The following ABCG8 variants were observed in gnomAD, a reference collection of about 807,000 sequenced individuals.
ABCG8 encodes ATP binding cassette subfamily G member 8.
In ABCG8, 81 loss-of-function variants were observed where a neutral mutation model predicts 71.3. The observed-to-expected ratio is 1.14, with a 90% CI of 0.95 to 1.37. The LOEUF (loss-of-function observed/expected upper bound fraction) is 1.37, where lower values mean the gene tolerates loss of function less well. ABCG8 is among the 40% of genes most tolerant of loss of function. The pLI, the probability that ABCG8 is intolerant of heterozygous loss-of-function variation, is 0.00. For synonymous variants in ABCG8, 451 were observed against 354.7 expected (o/e 1.27, Z -3.05); for missense variants, 1,119 against 866.2 (o/e 1.29, Z -3.66).
At chr2:43,841,195 G>A (rs1172991854) in intron 1 of ABCG8, among the ~76,000 whole-genome samples, 1 of 152,228 alleles carries the variant, frequency 6.6e-6, no homozygotes, top group Non-Finnish European at 1.5e-5. Context: ...CCGGGGCATA[G>A]GCTCCTCATC....
Position 43,846,255 on chromosome 2 carries a change from A to G in ABCG8, c.266A>G (p.Gln89Arg). 1.2e-6 allele frequency: 2 copies of G among 1,614,214 alleles called. No homozygotes were observed. Among genetic ancestry groups the G allele is most frequent in the Non-Finnish European group, 8.5e-7 (1 of 1,180,036 alleles). ...CAGAATTCTTGTGAGCTGGGCATCC[A>G]GAACCTAAGCTTCAAAGTGAGAAGT... ...SCQNSCELGI[Q>R]NLSFKVRSGQ... The change falls in exon 3 of 13, where the codon CAG becomes CGG. Residue 89 changes from glutamine to arginine, a missense_variant. Physicochemically the swap from Gln to Arg is conservative, Grantham distance 43. Transcript: ENST00000272286.
At chr2:43,842,321 C>G (rs922304715) in intron 1 of ABCG8, among the ~76,000 whole-genome samples, 1 of 152,158 alleles carries the variant, frequency 6.6e-6, no homozygotes, top group Non-Finnish European at 1.5e-5. Flanking sequence ...CTGGCAATGG[C>G]TAAGATTTTT....
At chr2:43,876,349 G>A (rs1188951940) in intron 11 of ABCG8, among the ~76,000 whole-genome samples, 1 of 152,222 alleles carries the variant, frequency 6.6e-6, no homozygotes, top group Non-Finnish European at 1.5e-5. Flanking sequence ...CCATGGCCCT[G>A]TCTCAGAGAG....
rs980660006 is a variant in ABCG8 at position 43,879,077 on chromosome 2, C to G, written c.*1164C>G. On this transcript the variant is annotated 3_prime_UTR_variant, in exon 13 of 13. Coordinates refer to ENST00000272286, the MANE Select transcript of ABCG8 (RefSeq NM_022437.3). ...CTCTTTTCTTTATAAATTACCCAGT[C>G]TTGGGTATTTCTTCATAGCAGTGTG... The G allele has an allele frequency of 6.6e-6, 1 of 152,214 alleles. No individual in the cohort carries two copies. Among genetic ancestry groups the G allele is most frequent in the Non-Finnish European group, 1.5e-5 (1 of 68,074 alleles). 9.4% of individuals were successfully genotyped at this position (152,214 alleles called of 1,614,324 possible). A position where few individuals can be genotyped will look rare whatever the true frequency, so the allele number is the denominator to read the frequency against.
At chr2:43,863,676 A>ATC (rs1373826334) in intron 6 of ABCG8, among the ~76,000 whole-genome samples, 1 of 150,836 alleles carries the variant, frequency 6.6e-6, no homozygotes, top group Non-Finnish European at 1.5e-5. Flanking sequence ...AATTCTCACC[A>ATC]TCTGGATAGA....
chr2:43,859,211 G>T (rs990997226), intron 6 of ABCG8, among the ~76,000 whole-genome samples: 2 of 146,442 alleles, frequency 1.4e-5, no homozygotes, highest in Non-Finnish European at 3.0e-5. Flanking sequence ...CTCTCCCTCT[G>T]GATACAACTC....
intron 1 of ABCG8, among the ~76,000 whole-genome samples, chr2:43,843,143 C>T (rs747108414): frequency 1.3e-5 from 2 of 152,222 alleles, no homozygotes; most frequent in Non-Finnish European, 1.5e-5. Flanking sequence ...TCTGCCTGGT[C>T]TGTCTCGCTC....
Position 43,873,958 on chromosome 2 carries a change from C to A in ABCG8, c.1383C>A (p.Phe461Leu). The change falls in exon 9 of 13, where the codon TTC becomes TTA. Residue 461 changes from phenylalanine (F) to leucine (L), a missense_variant. Phe to Leu is a conservative substitution (Grantham distance 22). Coordinates refer to ENST00000272286, the MANE Select transcript of ABCG8 (RefSeq NM_022437.3). The stretch of plus-strand genomic sequence containing the variant: ...TCATGATCGGTGCTCTCATCCCTTT[C>A]AACGTCATTCTGGATGTCATCTCCA... ...LLFMIGALIP[F>L]NVILDVISKC... The A allele has an allele frequency of 1.2e-6, 2 of 1,614,114 alleles. No individual in the cohort carries two copies. Among genetic ancestry groups the A allele is most frequent in the Non-Finnish European group, 1.7e-6 (2 of 1,180,038 alleles).
intron 6 of ABCG8, among the ~76,000 whole-genome samples, chr2:43,861,386 C>G (rs978562095): frequency 6.0e-5 from 9 of 151,066 alleles, no homozygotes; most frequent in Admixed American, 5.3e-4. Flanking sequence ...GGATAGATCT[C>G]TCACTATCTG....
rs1670091550 is a variant in ABCG8 at position 43,880,173 on chromosome 2, GTTTTGTT to G, written c.*2265_*2271del. ...ACCAAGAGTTTCAGGCTCATTTTTT[GTTTTGTT>G]TTTTTTTTTTTGAGACAGAATCTCA... On this transcript the variant is annotated 3_prime_UTR_variant, in exon 13 of 13. Coordinates refer to ENST00000272286, the MANE Select transcript of ABCG8 (RefSeq NM_022437.3). The G allele has an allele frequency of 1.2e-5, 1 of 86,054 alleles. No homozygotes were observed. The highest frequency in any genetic ancestry group is 1.2e-4 in the Admixed American group (1 of 8,430). 5.3% of individuals were successfully genotyped at this position (86,054 alleles called of 1,614,324 possible).
intron 10 of ABCG8, among the ~76,000 whole-genome samples, chr2:43,874,705 G>A (rs1455590996): frequency 6.6e-6 from 1 of 152,054 alleles, no homozygotes; most frequent in Non-Finnish European, 1.5e-5. Context: ...AGGAATGATA[G>A]TTTTCTGGCC....
chr2:43,865,695 C>T (rs1198698349), intron 6 of ABCG8, among the ~76,000 whole-genome samples: 1 of 138,970 alleles, frequency 7.2e-6, no homozygotes, highest in Non-Finnish European at 1.6e-5. Flanking sequence ...ATAGAACTCT[C>T]AATATCTATG....
At chr2:43,855,075 C>T (rs771593336) in intron 6 of ABCG8, among the ~76,000 whole-genome samples, 18 of 152,166 alleles carry the variant, frequency 1.2e-4, no homozygotes, top group Non-Finnish European at 1.9e-4. Context: ...GCCTGGGAGG[C>T]CAAGTTATTA....
At chr2:43,846,404 C>T in intron 3 of ABCG8, 93 bp downstream of exon 3, 2 of 1,555,436 alleles carry the variant, frequency 1.3e-6, no homozygotes, top group African/African-American at 2.7e-5. Flanking sequence ...GAGCTCTTTG[C>T]TGACTAGTAG....
intron 6 of ABCG8, among the ~76,000 whole-genome samples, chr2:43,855,896 A>G (rs1669088251): frequency 6.6e-6 from 1 of 152,102 alleles, no homozygotes; most frequent in Admixed American, 6.5e-5. Context: ...CTGTCTGGAT[A>G]GAATTCTCAC....
intron 2 of ABCG8, among the ~76,000 whole-genome samples, chr2:43,845,841 C>G: frequency 6.6e-6 from 1 of 152,080 alleles, no homozygotes; most frequent in Non-Finnish European, 1.5e-5. Context: ...AGGCTGGTCT[C>G]AAACTCCTGA....
At chr2:43,849,801 A>C (rs974923068) in intron 3 of ABCG8, among the ~76,000 whole-genome samples, 2 of 152,092 alleles carry the variant, frequency 1.3e-5, no homozygotes, top group Admixed American at 1.3e-4. Context: ...GGGATCTTAA[A>C]TGAGGTACAC....
In ABCG8 at chr2:43,882,820, A is replaced by AT. The variant is rs1572875941; in HGVS notation, c.*4912dup. The AT allele has an allele frequency of 1.3e-5, 2 of 152,360 alleles. No individual in the cohort carries two copies. The highest frequency in any genetic ancestry group is 3.9e-4 in the East Asian group (2 of 5,192). The allele number at this position is 152,360 out of a possible 1,614,324, so 9.4% of individuals were successfully genotyped here. A position where few individuals can be genotyped will look rare whatever the true frequency, so the allele number is the denominator to read the frequency against. Reference sequence around the variant, plus strand: ...AACAACGTTTAAGCAGTGGGTTGAGATTTTTAAACACAAACCAACTCAAAA... The same window carrying AT: ...AACAACGTTTAAGCAGTGGGTTGAGATTTTTTAAACACAAACCAACTCAAAA... On this transcript the variant is annotated 3_prime_UTR_variant, in exon 13 of 13. Transcript: ENST00000272286.
chr2:43,840,491 C>G (rs957205675), intron 1 of ABCG8, among the ~76,000 whole-genome samples: 1 of 152,184 alleles, frequency 6.6e-6, no homozygotes, highest in Non-Finnish European at 1.5e-5. Flanking sequence ...CCCTTCTGTC[C>G]GATCCTGTCA....
Sources: gnomAD v4.1 joint callset for allele counts (sites outside exome capture counted in the v4.1 genomes callset) on GRCh38, gnomAD v4.1.1 for gene constraint, MANE v1.5 for transcripts, NCBI Gene and HGNC (gene_info 2026-07-23, HGNC 2026-07-21) for gene names.